The following DNAJC1 variants were observed in gnomAD, a reference collection of about 807,000 sequenced individuals.
DNAJC1 encodes the protein DnaJ heat shock protein family (Hsp40) member C1.
Under a neutral mutation model 76.6 loss-of-function variants are expected in DNAJC1, and 58 were observed. The ratio of observed to expected loss-of-function variants is 0.76; its 90% confidence interval spans 0.61 to 0.94. The LOEUF (loss-of-function observed/expected upper bound fraction) is 0.94. Among genes scored for constraint, DNAJC1 ranks in the 40% least tolerant of loss-of-function variants. The pLI, the probability that DNAJC1 is intolerant of heterozygous loss-of-function variation, is 0.00. For missense variants in DNAJC1, 689 were observed against 677.3 expected, an observed-to-expected ratio of 1.02 and a Z score of -0.19; for synonymous variants, 258 against 267.9, an observed-to-expected ratio of 0.96 and a Z score of 0.36.
chr10:21,893,119 T>C (rs1395913127), intron 7 of DNAJC1, among the ~76,000 whole-genome samples: 1 of 152,164 alleles, frequency 6.6e-6, no homozygotes, highest in Non-Finnish European at 1.5e-5. Context: ...GATCATATCT[T>C]GGGCCATAAA....
At chr10:21,851,172 G>T (rs1421197702) in intron 8 of DNAJC1, among the ~76,000 whole-genome samples, 1 of 152,128 alleles carries the variant, frequency 6.6e-6, no homozygotes, top group African/African-American at 2.4e-5. Flanking sequence ...AAAAACTTTT[G>T]TGCATGAAAG....
intron 6 of DNAJC1, among the ~76,000 whole-genome samples, chr10:21,909,709 G>A (rs1244978550): frequency 6.6e-6 from 1 of 152,186 alleles, no homozygotes; most frequent in Non-Finnish European, 1.5e-5. Context: ...AATATCATGT[G>A]TCATTTCCAA....
intron 8 of DNAJC1, among the ~76,000 whole-genome samples, chr10:21,850,828 T>C (rs373259002): frequency 7.9e-5 from 12 of 152,064 alleles, no homozygotes; most frequent in South Asian, 4.1e-4. Context: ...GACAGACACA[T>C]AGAACAAGAG....
At chr10:21,812,810 TC>T (rs1214530440) in intron 8 of DNAJC1, among the ~76,000 whole-genome samples, 1 of 151,974 alleles carries the variant, frequency 6.6e-6, no homozygotes, top group Non-Finnish European at 1.5e-5. Context: ...TCCCATATAC[TC>T]TTTATTCAGC....
chr10:21,828,483 T>C (rs1277030023), intron 8 of DNAJC1, among the ~76,000 whole-genome samples: 1 of 152,244 alleles, frequency 6.6e-6, no homozygotes, highest in Non-Finnish European at 1.5e-5. Context: ...TTTCACCTAT[T>C]GGCAGCGGGG....
chr10:21,763,186 C>T (rs1013428924), intron 10 of DNAJC1, among the ~76,000 whole-genome samples: 1 of 152,210 alleles, frequency 6.6e-6, no homozygotes, highest in Non-Finnish European at 1.5e-5. Context: ...CCATCTTGGC[C>T]TCCCAAAGTG....
chr10:21,842,315 G>A (rs775274495), intron 8 of DNAJC1, among the ~76,000 whole-genome samples: 2 of 151,734 alleles, frequency 1.3e-5, no homozygotes, highest in Non-Finnish European at 2.9e-5. Flanking sequence ...TAATAGCGAA[G>A]AAAGTATTAG....
At chr10:21,889,232 A>C (rs547664465) in intron 7 of DNAJC1, among the ~76,000 whole-genome samples, 3 of 152,290 alleles carry the variant, frequency 2.0e-5, no homozygotes, top group East Asian at 3.9e-4. Flanking sequence ...GAGCTGCTAC[A>C]CGCTTTTAAA....
rs750724779 is a variant in DNAJC1, at chr10:21,796,953, T to C, written c.1098+9027A>G. Reference sequence around the variant, plus strand: ...TGTACAGAAGCTTTTTAGTTTGATATAGTCCCACTTCTTTATTTTTCATTT... The same window carrying C: ...TGTACAGAAGCTTTTTAGTTTGATACAGTCCCACTTCTTTATTTTTCATTT... On this transcript the variant is annotated intron_variant, in intron 9 of 11. Transcript: ENST00000376980. Among the ~76,000 whole-genome samples the C allele has an allele frequency of 1.6e-3, 245 of 152,196 alleles. 8 individuals are homozygous for C. Among genetic ancestry groups the C allele is most frequent in the Non-Finnish European group, 4.9e-4 (33 of 68,034 alleles).
At chr10:21,836,313 A>C (rs1008340386) in intron 8 of DNAJC1, among the ~76,000 whole-genome samples, 1 of 152,226 alleles carries the variant, frequency 6.6e-6, no homozygotes, top group Non-Finnish European at 1.5e-5. Flanking sequence ...CCCTAAAAGA[A>C]CTCCTGAAGG....
intron 7 of DNAJC1, among the ~76,000 whole-genome samples, chr10:21,885,163 T>C (rs1325599735): frequency 6.6e-6 from 1 of 151,262 alleles, no homozygotes; most frequent in East Asian, 1.9e-4. Context: ...AATAAAGAAA[T>C]GAAGGGAAAA....
Position 21,756,773 on chromosome 10 carries a change from G to A in DNAJC1, c.1597-18C>T. Reference sequence around the variant, plus strand: ...CAGTCTTCCTGTAGGAAGAAAAAAAGAGAGGTGAGAACAGTCACTTGCACA... The same window carrying A: ...CAGTCTTCCTGTAGGAAGAAAAAAAAAGAGGTGAGAACAGTCACTTGCACA... On this transcript the variant is annotated intron_variant, in intron 11 of 11. Transcript: ENST00000376980. 6.2e-7 allele frequency: 1 copy of A among 1,610,766 alleles called. No individual in the cohort carries two copies. The highest frequency in any genetic ancestry group is 8.5e-7 in the Non-Finnish European group (1 of 1,179,530).
At chr10:21,935,796 G>A (rs1837302639) in intron 1 of DNAJC1, among the ~76,000 whole-genome samples, 1 of 151,910 alleles carries the variant, frequency 6.6e-6, no homozygotes, top group African/African-American at 2.4e-5. Flanking sequence ...AGATTATGGA[G>A]GCTAGATGGT....
At position 21,882,582 on chromosome 10, in the gene DNAJC1, G is replaced by A. The variant is rs140905647; in HGVS notation, c.821-143C>T. 1.9e-4 allele frequency: 114 copies of A among 590,528 alleles called. No individual in the cohort carries two copies. In the African/African-American group the frequency reaches 2.0e-3, roughly 11 times the overall value. 36.6% of individuals were successfully genotyped at this position (590,528 alleles called of 1,614,324 possible). On this transcript the variant is annotated intron_variant, in intron 7 of 11. Transcript: ENST00000376980. ...TAAATAATTGGCTATAACTTTTATT[G>A]TACATAAACCATTGCATTGTTTCTA... is the stretch of plus-strand genomic sequence containing the variant.
At chr10:21,880,309 A>G (rs1470732286) in intron 8 of DNAJC1, among the ~76,000 whole-genome samples, 1 of 152,194 alleles carries the variant, frequency 6.6e-6, no homozygotes, top group African/African-American at 2.4e-5. Context: ...GTTAATGTCA[A>G]TATTTTGACC....
chr10:21,984,278 T>G (rs973238107), intron 1 of DNAJC1, among the ~76,000 whole-genome samples: 3 of 152,154 alleles, frequency 2.0e-5, no homozygotes, highest in African/African-American at 7.2e-5. Flanking sequence ...TAAAAAATGA[T>G]AGAAGTCTAT....
intron 8 of DNAJC1, among the ~76,000 whole-genome samples, chr10:21,827,517 T>C (rs1000851709): frequency 6.6e-5 from 10 of 152,178 alleles, no homozygotes; most frequent in Non-Finnish European, 1.5e-4. Context: ...TTAGTTCCTT[T>C]TGGAGGCTCT....
intron 1 of DNAJC1, among the ~76,000 whole-genome samples, chr10:21,945,133 TG>T: frequency 6.6e-6 from 1 of 151,250 alleles, no homozygotes; most frequent in Non-Finnish European, 1.5e-5. Context: ...AACAGAAGAG[TG>T]GTAATATATG....
chr10:21,837,165 G>A (rs1202043197), intron 8 of DNAJC1, among the ~76,000 whole-genome samples: 4 of 151,940 alleles, frequency 2.6e-5, no homozygotes, highest in African/African-American at 7.3e-5. Context: ...TGCCAGCCTC[G>A]GCCTCCCGAG....
Sources: gnomAD v4.1 joint callset for allele counts (sites outside exome capture counted in the v4.1 genomes callset) on GRCh38, gnomAD v4.1.1 for gene constraint, MANE v1.5 for transcripts, NCBI Gene and HGNC (gene_info 2026-07-23, HGNC 2026-07-21) for gene names.